The following DNAJC27 variants were observed in gnomAD, a reference collection of about 807,000 sequenced individuals.
DNAJC27 encodes the protein dnaJ homolog subfamily C member 27.
A neutral mutation model predicts 31.4 loss-of-function variants in DNAJC27; 25 were observed. The ratio of observed to expected loss-of-function variants is 0.80; its 90% confidence interval spans 0.58 to 1.11. DNAJC27 has a LOEUF of 1.11. DNAJC27 is among the 50% of genes most tolerant of loss of function. DNAJC27 has a pLI of 0.00. For missense variants in DNAJC27, 356 were observed against 347.3 expected (o/e 1.02, Z -0.20); for synonymous variants, 106 against 112.7 (o/e 0.94, Z 0.37).
At chr2:24,971,287 C>G in intron 1 of DNAJC27, 1 of 152,954 alleles carries the variant, frequency 6.5e-6, no homozygotes, top group East Asian at 1.9e-4. Context: ...AACAAAACAG[C>G]GCGGACCCCG....
At position 24,971,829 on chromosome 2, in the gene DNAJC27, C is replaced by T. The variant is rs767431146; in HGVS notation, c.76G>A (p.Glu26Lys). 2 of 1,609,014 alleles carry T rather than the reference C, an allele frequency of 1.2e-6. No individual in the cohort carries two copies. Among genetic ancestry groups the T allele is most frequent in the Non-Finnish European group, 1.7e-6 (2 of 1,178,214 alleles). ...RIKVISMGNA[E>K]VGKSCIIKRY... ...CTCGCTGTACTCACTTTCCCCACTT[C>T]GGCGTTGCCCATGGAGATGACTTTG... Residue 26 changes from glutamate to lysine, a missense_variant, in exon 1 of 7, where the codon GAA becomes AAA. Physicochemically the swap from Glu to Lys is moderately conservative, Grantham distance 56 (BLOSUM62 1). Coordinates refer to ENST00000264711, the MANE Select transcript of DNAJC27 (RefSeq NM_016544.3).
At chr2:24,963,104 A>AT (rs201410313) in intron 3 of DNAJC27, 2,251 of 288,922 alleles carry the variant, frequency 7.8e-3, no homozygotes, top group Middle Eastern at 0.015. Context: ...AAATGTAATT[A>AT]TTTTTTTTTT....
At chr2:24,950,800 T>C (rs1665754471) in intron 6 of DNAJC27, among the ~76,000 whole-genome samples, 1 of 151,316 alleles carries the variant, frequency 6.6e-6, no homozygotes, top group African/African-American at 2.4e-5. Context: ...TGAGCTGAGA[T>C]CACGCCACTG....
intron 2 of DNAJC27, among the ~76,000 whole-genome samples, chr2:24,966,763 T>C (rs1287582929): frequency 6.6e-6 from 1 of 152,210 alleles, no homozygotes; most frequent in Non-Finnish European, 1.5e-5. Flanking sequence ...GGCCCATTTT[T>C]GCTGGATTCT....
At chr2:24,963,298 T>A in intron 3 of DNAJC27, 107 bp downstream of exon 3, 1 of 804,028 alleles carries the variant, frequency 1.2e-6, no homozygotes, top group Non-Finnish European at 2.0e-6. Flanking sequence ...GCTAAAATTA[T>A]GCAATTTTAC....
In DNAJC27 at chr2:24,947,413, G is replaced by A. The variant is rs1665673356; in HGVS notation, c.*203C>T. On this transcript the variant is annotated 3_prime_UTR_variant, in exon 7 of 7. Transcript: ENST00000264711. Reference sequence around the variant, plus strand: ...TATGAAATGAAGTACAGGGTGTGACGCTCAGTTCACTTCATACAAATGCAG... The same window carrying A: ...TATGAAATGAAGTACAGGGTGTGACACTCAGTTCACTTCATACAAATGCAG... 7 of 547,814 alleles carry A rather than the reference G, an allele frequency of 1.3e-5. No homozygotes were observed. The highest frequency in any genetic ancestry group is 2.9e-5 in the East Asian group (1 of 35,032). The allele number at this position is 547,814 out of a possible 1,614,324, so 33.9% of individuals were successfully genotyped here.
rs969011292 is a variant in DNAJC27 at position 24,945,343 on chromosome 2, T to G, written c.*2273A>C. The G allele has an allele frequency of 2.2e-4, 33 of 152,306 alleles. No homozygotes were observed. The highest frequency in any genetic ancestry group is 6.5e-4 in the African/African-American group (27 of 41,562). The allele number at this position is 152,306 out of a possible 1,614,324, so 9.4% of individuals were successfully genotyped here. The stretch of plus-strand genomic sequence containing the variant: ...CCTAAGAATCAAGCTCAGGCTAAAT[T>G]TCACCAACTCACACATAAGGATATG... On this transcript the variant is annotated 3_prime_UTR_variant, in exon 7 of 7. Coordinates refer to ENST00000264711, the MANE Select transcript of DNAJC27 (RefSeq NM_016544.3).
In DNAJC27 at chr2:24,963,446, C is replaced by A; in HGVS notation, c.199G>T (p.Val67Phe). 6.2e-7 allele frequency: 1 copy of A among 1,613,812 alleles called. No homozygotes were observed. The highest frequency in any genetic ancestry group is 8.5e-7 in the Non-Finnish European group (1 of 1,179,824). Reference sequence around the variant, plus strand: ...TGTCCAGCCATATCAAAGATGTTAACTTTGATTTCTCTGTCTCTGACGTGT... The same window carrying A: ...TGTCCAGCCATATCAAAGATGTTAAATTTGATTTCTCTGTCTCTGACGTGT... ...KVHVRDREIK[V>F]NIFDMAGHPF... is the part of the protein sequence containing the mutation. Residue 67 changes from valine to phenylalanine, a missense_variant, in exon 3 of 7, where the codon GTT (valine) becomes TTT (phenylalanine). Val to Phe is a conservative substitution (Grantham distance 50, BLOSUM62 -1). Coordinates refer to ENST00000264711, the MANE Select transcript of DNAJC27 (RefSeq NM_016544.3).
In DNAJC27 at chr2:24,951,442, T is replaced by C. The variant is rs1436859505; in HGVS notation, c.641A>G (p.Asn214Ser). 2 of 1,613,850 alleles carry C rather than the reference T, an allele frequency of 1.2e-6. No homozygotes were observed. The highest frequency in any genetic ancestry group is 1.7e-6 in the Non-Finnish European group (2 of 1,179,930). The stretch of plus-strand genomic sequence containing the variant: ...CAGCATGTCCCAACTGTCTTTACTA[T>C]TTCGAATTCTGCGAATGGCATCTGC... ...EQADAIRRIR[N>S]SKDSWDMLGV... The change falls in exon 6 of 7, where the codon AAT (asparagine) becomes AGT (serine). Residue 214 changes from asparagine to serine, a missense_variant. Asn to Ser is a conservative substitution (Grantham distance 46). Transcript: ENST00000264711.
chr2:24,947,671 T>C lies in DNAJC27; in HGVS notation c.767A>G (p.Asp256Gly), dbSNP rs1306881680. Residue 256 changes from aspartate (D) to glycine (G), a missense_variant, in exon 7 of 7, where the codon GAT becomes GGT. Transcript: ENST00000264711. ...PDKCVAPGSE[D>G]AFKAVVNART... ...AGCATTCACAACTGCTTTGAAGGCA[T>C]CTTCACTGCCAGGTGCTACACATTT... is the stretch of plus-strand genomic sequence containing the variant. 3.1e-6 allele frequency: 5 copies of C among 1,613,290 alleles called. No individual in the cohort carries two copies. Among genetic ancestry groups the C allele is most frequent in the Non-Finnish European group, 4.2e-6 (5 of 1,179,290 alleles).
chr2:24,959,653 T>C (rs748322006), intron 3 of DNAJC27, among the ~76,000 whole-genome samples: 2 of 152,222 alleles, frequency 1.3e-5, no homozygotes, highest in Non-Finnish European at 1.5e-5. Context: ...TCCCCAAACT[T>C]GCCCAAGCCT....
At position 24,947,623 on chromosome 2, in the gene DNAJC27, A is replaced by G; in HGVS notation, c.815T>C (p.Ile272Thr). ...VNARTALLKN[I>T]K Reference sequence around the variant, plus strand: ...GGCTTTTTTCTGTACTTTCTACTTGATGTTTTTCAGGAGGGCTGTCCGAGC... The same window carrying G: ...GGCTTTTTTCTGTACTTTCTACTTGGTGTTTTTCAGGAGGGCTGTCCGAGC... The change falls in exon 7 of 7, where the codon ATC (isoleucine) becomes ACC (threonine). Residue 272 changes from isoleucine (I) to threonine (T), a missense_variant. Coordinates refer to ENST00000264711, the MANE Select transcript of DNAJC27 (RefSeq NM_016544.3). 1 of 1,603,358 alleles carries G rather than the reference A, an allele frequency of 6.2e-7. No individual in the cohort carries two copies. Among genetic ancestry groups the G allele is most frequent in the South Asian group, 1.1e-5 (1 of 90,264 alleles).
In DNAJC27 at chr2:24,947,701, G is replaced by C; in HGVS notation, c.737C>G (p.Pro246Arg). 4 of 1,613,754 alleles carry C rather than the reference G, an allele frequency of 2.5e-6. No homozygotes were observed. The highest frequency in any genetic ancestry group is 3.4e-6 in the Non-Finnish European group (4 of 1,179,664). ...AYRKLAVLLH[P>R]DKCVAPGSED... The stretch of plus-strand genomic sequence containing the variant: ...ACTGCCAGGTGCTACACATTTGTCA[G>C]GGTGAAGAAGCACAGCAAGTTTCCG... The change falls in exon 7 of 7, where the codon CCT becomes CGT. Residue 246 changes from proline to arginine, a missense_variant. Coordinates refer to ENST00000264711, the MANE Select transcript of DNAJC27 (RefSeq NM_016544.3).
At chr2:24,954,283 G>A (rs553835757) in intron 5 of DNAJC27, among the ~76,000 whole-genome samples, 1 of 152,192 alleles carries the variant, frequency 6.6e-6, no homozygotes, top group African/African-American at 2.4e-5. Flanking sequence ...AGGTCTAGTG[G>A]TGCTAGAGAA....
intron 1 of DNAJC27, among the ~76,000 whole-genome samples, chr2:24,968,404 A>C (rs1666241351): frequency 6.6e-6 from 1 of 152,074 alleles, no homozygotes. Context: ...AATCCTTTAA[A>C]ATGAGTATGT....
chr2:24,970,592 G>A (rs1212787575), intron 1 of DNAJC27, among the ~76,000 whole-genome samples: 1 of 149,972 alleles, frequency 6.7e-6, no homozygotes, highest in Admixed American at 6.7e-5. Flanking sequence ...GGCCTCCCAA[G>A]TAGCTGGGAT....
chr2:24,959,986 C>T (rs1469769823), intron 3 of DNAJC27, among the ~76,000 whole-genome samples: 2 of 152,200 alleles, frequency 1.3e-5, no homozygotes, highest in Non-Finnish European at 2.9e-5. Context: ...TGCAGGCACA[C>T]CTCACTTTAT....
In DNAJC27 at chr2:24,951,640, T is replaced by C. The variant is rs535616556; in HGVS notation, c.529-86A>G. ...AAGCATCAACTTAAAAGACTTTTAATATATTCCAGCAACTCTTAGAAGTCA... is the reference window on the plus strand; with the variant it reads ...AAGCATCAACTTAAAAGACTTTTAACATATTCCAGCAACTCTTAGAAGTCA... On this transcript the variant is annotated intron_variant, in intron 5 of 6. Coordinates refer to ENST00000264711, the MANE Select transcript of DNAJC27 (RefSeq NM_016544.3). 1.7e-5 allele frequency: 21 copies of C among 1,220,516 alleles called. No individual in the cohort carries two copies. The East Asian group carries it at 5.2e-4, about 30-fold the overall frequency. 75.6% of individuals were successfully genotyped at this position (1,220,516 alleles called of 1,614,324 possible). A position where few individuals can be genotyped will look rare whatever the true frequency, so the allele number is the denominator to read the frequency against.
At chr2:24,954,733 C>G (rs957905827) in intron 5 of DNAJC27, among the ~76,000 whole-genome samples, 1 of 152,092 alleles carries the variant, frequency 6.6e-6, no homozygotes, top group Admixed American at 6.5e-5. Flanking sequence ...ATCACGAGAT[C>G]GAGACCATCC....
Sources: gnomAD v4.1 joint callset for allele counts (sites outside exome capture counted in the v4.1 genomes callset) on GRCh38, gnomAD v4.1.1 for gene constraint, MANE v1.5 for transcripts, NCBI Gene and HGNC (gene_info 2026-07-23, HGNC 2026-07-21) for gene names.